Variants in ITPK1 observed in about 807,000 individuals in gnomAD.
ITPK1 encodes the protein inositol-tetrakisphosphate 1-kinase, also known as inositol 1,3,4-trisphosphate 5/6-kinase.
In ITPK1, 21 loss-of-function variants were observed where a neutral mutation model predicts 45.3. The ratio of observed to expected loss-of-function variants is 0.46; its 90% confidence interval spans 0.33 to 0.67. ITPK1 has a LOEUF of 0.67. Among genes scored for constraint, ITPK1 ranks in the 30% least tolerant of loss-of-function variants. The probability of loss-of-function intolerance (pLI) is 0.02; values close to 1 mark genes in which losing one functional copy is unlikely to be tolerated. For synonymous variants in ITPK1, 258 were observed against 253.6 expected (o/e 1.02, Z -0.16); for missense variants, 474 against 573.5 (o/e 0.83, Z 1.77).
At chr14:93,070,970 G>A (rs1251624281) in intron 3 of ITPK1, 3 of 153,756 alleles carry the variant, frequency 2.0e-5, no homozygotes, top group Non-Finnish European at 4.4e-5. Context: ...CAGAGCACGG[G>A]GCTGAGGAAA....
rs568870557 is a variant in ITPK1 at position 93,066,131 on chromosome 14, C to T, written c.120+10464G>A. 125 of 359,704 alleles carry T rather than the reference C, an allele frequency of 3.5e-4. No individual in the cohort carries two copies. In the Middle Eastern group the frequency reaches 6.0e-3, roughly 17 times the overall value. The allele number at this position is 359,704 out of a possible 1,614,324, so 22.3% of individuals were successfully genotyped here. Reference sequence around the variant, plus strand: ...GTTATTTTTAGCAAGCACAGACCCTCGAGGCCTGGCCACATCCTGTGTAGC... The same window carrying T: ...GTTATTTTTAGCAAGCACAGACCCTTGAGGCCTGGCCACATCCTGTGTAGC... On this transcript the variant is annotated intron_variant, in intron 3 of 10. Coordinates refer to ENST00000267615, the MANE Select transcript of ITPK1 (RefSeq NM_014216.6).
chr14:93,008,723 C>A (rs912189621), intron 4 of ITPK1, among the ~76,000 whole-genome samples: 1 of 152,220 alleles, frequency 6.6e-6, no homozygotes. Flanking sequence ...GGCTTTATCA[C>A]GGGCACACAG....
intron 3 of ITPK1, among the ~76,000 whole-genome samples, chr14:93,072,794 A>C (rs1373964455): frequency 6.6e-6 from 1 of 152,122 alleles, no homozygotes; most frequent in Admixed American, 6.5e-5. Context: ...TTGGGGGGGA[A>C]CCCTCAGACG....
chr14:93,021,817 TG>T (rs1222026984), intron 3 of ITPK1, among the ~76,000 whole-genome samples: 5 of 151,606 alleles, frequency 3.3e-5, no homozygotes. Context: ...GGGACAAGGA[TG>T]GTACTGGTCA....
chr14:93,027,153 G>A (rs1164034074), intron 3 of ITPK1, among the ~76,000 whole-genome samples: 1 of 152,216 alleles, frequency 6.6e-6, no homozygotes, highest in Non-Finnish European at 1.5e-5. Flanking sequence ...GGTCAGAGTG[G>A]CAGCCACCAC....
intron 3 of ITPK1, among the ~76,000 whole-genome samples, chr14:93,039,492 A>G (rs1889469478): frequency 6.6e-6 from 1 of 152,180 alleles, no homozygotes; most frequent in Non-Finnish European, 1.5e-5. Context: ...AAAAAAATTA[A>G]AAACAGAAAC....
In ITPK1 at chr14:92,938,400, T is replaced by A. The variant is rs1024786933; in HGVS notation, c.*3161A>T. The A allele has an allele frequency of 3.7e-6, 4 of 1,066,726 alleles. No homozygotes were observed. In the African/African-American group the frequency reaches 6.2e-5, roughly 17 times the overall value. 66.1% of individuals were successfully genotyped at this position (1,066,726 alleles called of 1,614,324 possible). A position where few individuals can be genotyped will look rare whatever the true frequency, so the allele number is the denominator to read the frequency against. ...CAGGCTAGAAGGACAAACGACAGGCTGGCTCCCTTGGTCTTGGGGTGGCTG... is the reference window on the plus strand; with the variant it reads ...CAGGCTAGAAGGACAAACGACAGGCAGGCTCCCTTGGTCTTGGGGTGGCTG... On this transcript the variant is annotated 3_prime_UTR_variant, in exon 11 of 11. Coordinates refer to ENST00000267615, the MANE Select transcript of ITPK1 (RefSeq NM_014216.6).
intron 3 of ITPK1, among the ~76,000 whole-genome samples, chr14:93,057,170 C>T (rs1252581460): frequency 6.6e-6 from 1 of 152,200 alleles, no homozygotes; most frequent in East Asian, 1.9e-4. Context: ...TCCCCAGGGT[C>T]ACAAGGCTGG....
chr14:92,979,830 T>G (rs1343270191), intron 5 of ITPK1, among the ~76,000 whole-genome samples: 5 of 151,802 alleles, frequency 3.3e-5, no homozygotes, highest in Non-Finnish European at 7.4e-5. Context: ...TTTTTTTTTT[T>G]GGAGACAGAG....
intron 7 of ITPK1, among the ~76,000 whole-genome samples, chr14:92,959,992 C>T (rs1420835097): frequency 6.6e-6 from 1 of 152,202 alleles, no homozygotes; most frequent in Non-Finnish European, 1.5e-5. Flanking sequence ...CTTGGCTTCC[C>T]CGGGTACCCC....
At chr14:93,103,767 A>G (rs189229564) in intron 2 of ITPK1, among the ~76,000 whole-genome samples, 32 of 152,192 alleles carry the variant, frequency 2.1e-4, no homozygotes, top group African/African-American at 7.7e-4. Flanking sequence ...CAGGGTGGAG[A>G]CCGGATGTTT....
intron 5 of ITPK1, among the ~76,000 whole-genome samples, chr14:92,974,766 C>G (rs1468254108): frequency 1.3e-5 from 2 of 151,912 alleles, no homozygotes; most frequent in African/African-American, 4.8e-5. Context: ...TGGCAAAAGG[C>G]CCATGGGGCC....
Position 92,943,726 on chromosome 14 carries a change from C to T in ITPK1, c.902-1822G>A, listed in dbSNP as rs980445546. Among the ~76,000 whole-genome samples, 22 of 152,228 alleles carry T rather than the reference C, an allele frequency of 1.4e-4. 1 individual carries two copies. The East Asian group carries it at 1.9e-3, about 13-fold the overall frequency. ...TGAGGATAAACAGGAGCTCGGGGAG[C>T]GGACTGAGGCATGAACCTGCAGGGC... On this transcript the variant is annotated intron_variant, in intron 10 of 10. Coordinates refer to ENST00000267615, the MANE Select transcript of ITPK1 (RefSeq NM_014216.6).
intron 5 of ITPK1, among the ~76,000 whole-genome samples, chr14:92,969,730 G>T (rs889256313): frequency 7.9e-5 from 12 of 152,330 alleles, no homozygotes; most frequent in Admixed American, 5.9e-4. Flanking sequence ...GAGCCCGGGA[G>T]GCTATTTCTG....
intron 5 of ITPK1, among the ~76,000 whole-genome samples, chr14:92,992,950 A>G (rs1886862570): frequency 6.6e-6 from 1 of 152,272 alleles, no homozygotes. Context: ...CACATAGCCA[A>G]TAAATGGTGG....
intron 2 of ITPK1, among the ~76,000 whole-genome samples, chr14:93,081,426 A>G (rs1454197151): frequency 1.3e-5 from 2 of 152,138 alleles, no homozygotes; most frequent in Non-Finnish European, 2.9e-5. Flanking sequence ...TAAATACAAT[A>G]TATTAATATG....
intron 2 of ITPK1, among the ~76,000 whole-genome samples, chr14:93,107,038 A>G (rs1486303382): frequency 6.6e-6 from 1 of 151,972 alleles, no homozygotes; most frequent in Non-Finnish European, 1.5e-5. Flanking sequence ...GCTCACTGCA[A>G]TCTCCACCTC....
At chr14:93,075,674 G>A (rs2139981741) in intron 3 of ITPK1, among the ~76,000 whole-genome samples, 1 of 152,364 alleles carries the variant, frequency 6.6e-6, no homozygotes, top group African/African-American at 2.4e-5. Context: ...GCCTGGAGCT[G>A]AAGTTAACAG....
intron 10 of ITPK1, among the ~76,000 whole-genome samples, chr14:92,944,648 T>C (rs1425231717): frequency 1.3e-5 from 2 of 152,108 alleles, no homozygotes; most frequent in Non-Finnish European, 2.9e-5. Context: ...CCACTGACGT[T>C]GTCCCCTTTT....
Sources: gnomAD v4.1 joint callset for allele counts (sites outside exome capture counted in the v4.1 genomes callset) on GRCh38, gnomAD v4.1.1 for gene constraint, MANE v1.5 for transcripts, NCBI Gene and HGNC (gene_info 2026-07-23, HGNC 2026-07-21) for gene names.